The following PRKG2 variants were observed in gnomAD, a reference collection of about 807,000 sequenced individuals.
PRKG2 encodes the protein cGMP-dependent protein kinase 2.
Under a neutral mutation model 97.2 loss-of-function variants are expected in PRKG2, and 33 were observed. The ratio of observed to expected loss-of-function variants is 0.34; its 90% confidence interval spans 0.26 to 0.45. The LOEUF (loss-of-function observed/expected upper bound fraction) is 0.45, where lower values mean the gene tolerates loss of function less well. PRKG2 is among the 20% of genes least tolerant of loss of function. The probability of loss-of-function intolerance (pLI) is 1.00; values close to 1 mark genes in which losing one functional copy is unlikely to be tolerated. For missense variants in PRKG2, 638 were observed against 900.0 expected, an observed-to-expected ratio of 0.71 and a Z score of 3.73; for synonymous variants, 330 against 321.8, an observed-to-expected ratio of 1.03 and a Z score of -0.27.
At chr4:81,187,717 CCAT>C (rs1277548124) in intron 2 of PRKG2, among the ~76,000 whole-genome samples, 1 of 152,080 alleles carries the variant, frequency 6.6e-6, no homozygotes, top group East Asian at 1.9e-4. Flanking sequence ...TTCGCAAACC[CCAT>C]CGTCTCAGCC....
At chr4:81,143,924 T>C (rs1174190891) in intron 10 of PRKG2, among the ~76,000 whole-genome samples, 1 of 152,140 alleles carries the variant, frequency 6.6e-6, no homozygotes, top group Non-Finnish European at 1.5e-5. Flanking sequence ...CAAATATTAA[T>C]GTCTTTTTGA....
chr4:81,180,094 T>C (rs2110095082), intron 2 of PRKG2, among the ~76,000 whole-genome samples: 1 of 151,804 alleles, frequency 6.6e-6, no homozygotes, highest in African/African-American at 2.4e-5. Flanking sequence ...GATCGCACCA[T>C]TGCACTCCAG....
At chr4:81,122,924 C>T (rs763603173) in intron 14 of PRKG2, among the ~76,000 whole-genome samples, 31 of 152,200 alleles carry the variant, frequency 2.0e-4, no homozygotes, top group Non-Finnish European at 4.3e-4. Flanking sequence ...CGCTCAGAAG[C>T]CTCAGCTAAA....
upstream of PRKG2, among the ~76,000 whole-genome samples, chr4:81,216,536 T>C (rs552973786): frequency 2.0e-5 from 3 of 151,864 alleles, no homozygotes; most frequent in Non-Finnish European, 4.4e-5. Context: ...GTCTTCACTT[T>C]AAAAAAAAAT....
chr4:81,132,477 T>G (rs555626147), intron 14 of PRKG2, among the ~76,000 whole-genome samples: 1 of 152,262 alleles, frequency 6.6e-6, no homozygotes, highest in African/African-American at 2.4e-5. Context: ...TGATAAAAAA[T>G]GCTCACTACC....
chr4:81,098,594 T>C (rs1263472171), intron 17 of PRKG2, among the ~76,000 whole-genome samples: 1 of 152,130 alleles, frequency 6.6e-6, no homozygotes, highest in African/African-American at 2.4e-5. Flanking sequence ...TTAGAGGCCA[T>C]TGTAGGGTTA....
intron 13 of PRKG2, among the ~76,000 whole-genome samples, 163 bp from the exon 14 acceptor site, chr4:81,135,459 G>C (rs1237565653): frequency 6.6e-6 from 1 of 152,130 alleles, no homozygotes; most frequent in Non-Finnish European, 1.5e-5. Context: ...TAAGCTGTTT[G>C]CAGATCATAA....
intron 2 of PRKG2, among the ~76,000 whole-genome samples, chr4:81,191,005 C>T (rs1365499539): frequency 6.6e-6 from 1 of 152,122 alleles, no homozygotes; most frequent in Non-Finnish European, 1.5e-5. Flanking sequence ...TTAATTCAAC[C>T]ATTGTGGAAG....
At chr4:81,117,034 C>T (rs188454387) in intron 14 of PRKG2, among the ~76,000 whole-genome samples, 8 of 139,884 alleles carry the variant, frequency 5.7e-5, no homozygotes, top group Admixed American at 1.5e-4. Flanking sequence ...ACTCAGTCAC[C>T]CAGGCTGGAG....
chr4:81,100,552 C>T (rs953802131), intron 17 of PRKG2, among the ~76,000 whole-genome samples: 6 of 152,032 alleles, frequency 3.9e-5, no homozygotes, highest in Non-Finnish European at 2.9e-5. Context: ...ACACCTTATA[C>T]AAAAATTAAT....
chr4:81,182,457 A>G (rs1189485429), intron 2 of PRKG2, among the ~76,000 whole-genome samples: 1 of 152,086 alleles, frequency 6.6e-6, no homozygotes, highest in Non-Finnish European at 1.5e-5. Context: ...ATCATATTAT[A>G]TCGTGAAACA....
intron 14 of PRKG2, among the ~76,000 whole-genome samples, chr4:81,120,042 T>C (rs1282794689): frequency 1.3e-5 from 2 of 152,154 alleles, no homozygotes; most frequent in Non-Finnish European, 2.9e-5. Flanking sequence ...TTTCTATATT[T>C]GAGTCCTTGT....
chr4:81,167,224 A>G lies in PRKG2; in HGVS notation c.849T>C (p.Ser283=). 2 of 1,579,454 alleles carry G rather than the reference A, an allele frequency of 1.3e-6. No homozygotes were observed. Among genetic ancestry groups the G allele is most frequent in the Non-Finnish European group, 1.7e-6 (2 of 1,161,310 alleles). The stretch of plus-strand genomic sequence containing the variant: ...CAGGTAAATTCTTCAGCAAGGATAC[A>G]CTTCAAAATTAAAAAGAAACCTTCA... ...RDEQYRNFLR[S]VSLLKNLPED... is the part of the protein sequence containing the mutation. The change falls in exon 6 of 19, where the codon AGT becomes AGC. Residue 283 remains serine (S), a splice_region_variant and synonymous_variant. Coordinates refer to ENST00000264399, the MANE Select transcript of PRKG2 (RefSeq NM_006259.3).
intron 14 of PRKG2, among the ~76,000 whole-genome samples, chr4:81,127,102 G>A (rs952574146): frequency 2.0e-5 from 3 of 152,032 alleles, no homozygotes; most frequent in Non-Finnish European, 2.9e-5. Flanking sequence ...AGTTTTTCCC[G>A]ACACCATTTA....
At chr4:81,111,016 A>G (rs1743873246) in intron 14 of PRKG2, among the ~76,000 whole-genome samples, 1 of 152,052 alleles carries the variant, frequency 6.6e-6, no homozygotes, top group Non-Finnish European at 1.5e-5. Context: ...GAGACAAGGA[A>G]GAAATGATGG....
At chr4:81,159,013 G>T (rs1457163048) in intron 6 of PRKG2, among the ~76,000 whole-genome samples, 1 of 151,872 alleles carries the variant, frequency 6.6e-6, no homozygotes, top group African/African-American at 2.4e-5. Context: ...AACCCTAGAA[G>T]AAAACCTAGG....
rs149385567 is a variant in PRKG2 at position 81,166,450 on chromosome 4, G to A, written c.912+711C>T. 2.0e-4 allele frequency among the ~76,000 whole-genome samples: 30 copies of A among 152,072 alleles called. No homozygotes were observed. In the East Asian group the frequency reaches 3.3e-3, roughly 17 times the overall value. The stretch of plus-strand genomic sequence containing the variant: ...TTGACCCCCCAAAAAGTTAAAGAAC[G>A]TATTTGCTTTGAATTTTAATTCTCT... On this transcript the variant is annotated intron_variant, in intron 6 of 18. Transcript: ENST00000264399.
chr4:81,127,508 C>G (rs927733507), intron 14 of PRKG2, among the ~76,000 whole-genome samples: 3 of 152,132 alleles, frequency 2.0e-5, no homozygotes, highest in Non-Finnish European at 4.4e-5. Flanking sequence ...CTCTTATTTC[C>G]TTGAGCAGTG....
At chr4:81,198,117 C>T (rs17005089) in intron 2 of PRKG2, among the ~76,000 whole-genome samples, 1 of 152,174 alleles carries the variant, frequency 6.6e-6, no homozygotes, top group African/African-American at 2.4e-5. Flanking sequence ...AATTAGCCTT[C>T]AAATCCTCAG....
Sources: allele counts gnomAD v4.1 joint callset (sites outside exome capture counted in the v4.1 genomes callset), GRCh38; gene constraint gnomAD v4.1.1; transcripts MANE v1.5; gene names NCBI Gene and HGNC (gene_info 2026-07-23, HGNC 2026-07-21).